The following TPD52L1 variants were observed in gnomAD, a reference collection of about 807,000 sequenced individuals.
TPD52L1 encodes tumor protein D53.
In TPD52L1, 18 loss-of-function variants were observed where a neutral mutation model predicts 28.7. The observed-to-expected ratio is 0.63, with a 90% CI of 0.43 to 0.93. The LOEUF (loss-of-function observed/expected upper bound fraction) is 0.93. Among genes scored for constraint, TPD52L1 ranks in the 40% least tolerant of loss-of-function variants. The probability of loss-of-function intolerance (pLI) is 0.00; values close to 1 mark genes in which losing one functional copy is unlikely to be tolerated. For missense variants in TPD52L1, 203 were observed against 254.8 expected (o/e 0.80, Z 1.39); for synonymous variants, 75 against 88.8 (o/e 0.84, Z 0.88).
intron 1 of TPD52L1, among the ~76,000 whole-genome samples, chr6:125,215,100 A>G (rs1050895179): frequency 5.3e-5 from 8 of 152,240 alleles, no homozygotes; most frequent in Non-Finnish European, 1.2e-4. Flanking sequence ...GCATTTGCCC[A>G]GTGATAATTG....
chr6:125,203,045 A>G lies in TPD52L1; in HGVS notation c.20-17033A>G, dbSNP rs547744880. ...CTTCTCAGTGGAGGTTTATCTTGTC[A>G]GGTTTGGCTTCCTTTTCCCAGTTCC... On this transcript the variant is annotated intron_variant, in intron 1 of 6. Coordinates refer to ENST00000534000, the MANE Select transcript of TPD52L1 (RefSeq NM_003287.4). Among the ~76,000 whole-genome samples the G allele has an allele frequency of 9.1e-4, 139 of 152,162 alleles. 1 individual carries two copies. The highest frequency in any genetic ancestry group is 3.2e-3 in the African/African-American group (131 of 41,518).
At chr6:125,190,227 G>T (rs1792942473) in intron 1 of TPD52L1, among the ~76,000 whole-genome samples, 1 of 152,082 alleles carries the variant, frequency 6.6e-6, no homozygotes, top group Non-Finnish European at 1.5e-5. Context: ...TAGTTTGTAG[G>T]ACTGTCAAAA....
At chr6:125,209,327 C>G (rs1794356103) in intron 1 of TPD52L1, among the ~76,000 whole-genome samples, 1 of 152,206 alleles carries the variant, frequency 6.6e-6, no homozygotes, top group African/African-American at 2.4e-5. Flanking sequence ...ACGAACATAG[C>G]TTAAAGACAA....
At chr6:125,234,859 G>A (rs944289678) in intron 3 of TPD52L1, among the ~76,000 whole-genome samples, 10 of 151,982 alleles carry the variant, frequency 6.6e-5, no homozygotes, top group African/African-American at 2.2e-4. Flanking sequence ...TCAGGAGGCC[G>A]AGGTGAAAGA....
At position 125,172,659 on chromosome 6, in the gene TPD52L1, G is replaced by GTATA. The variant is rs35313980; in HGVS notation, c.19+18699_19+18702dup. On this transcript the variant is annotated intron_variant, in intron 1 of 6. Transcript: ENST00000534000. ...TATAATAAACTATATAATAAATTAG[G>GTATA]TATATATATATATTTATTTTCTTCA... 4.0e-5 allele frequency among the ~76,000 whole-genome samples: 5 copies of GTATA among 124,322 alleles called. No homozygotes were observed. The Admixed American group carries it at 4.1e-4, about 10-fold the overall frequency. 81.6% of individuals were successfully genotyped at this position (124,322 alleles called of 152,430 possible). A position where few individuals can be genotyped will look rare whatever the true frequency, so the allele number is the denominator to read the frequency against.
At chr6:125,177,844 TAC>T (rs1042182102) in intron 1 of TPD52L1, among the ~76,000 whole-genome samples, 1 of 152,192 alleles carries the variant, frequency 6.6e-6, no homozygotes, top group Non-Finnish European at 1.5e-5. Flanking sequence ...TTAACTGATA[TAC>T]ACATTCAATT....
chr6:125,161,637 G>A (rs1179554944), intron 1 of TPD52L1, among the ~76,000 whole-genome samples: 1 of 152,134 alleles, frequency 6.6e-6, no homozygotes, highest in Admixed American at 6.5e-5. Flanking sequence ...CAGGGACAGG[G>A]AGAGAGATAG....
chr6:125,219,897 G>GTAT (rs1795119395), intron 1 of TPD52L1, 181 bp from the exon 2 acceptor site: 2 of 648,352 alleles, frequency 3.1e-6, no homozygotes, highest in African/African-American at 3.7e-5. Context: ...TGGCTTCTTG[G>GTAT]TATTCTTTGC....
At chr6:125,175,507 TAA>T (rs1163739336) in intron 1 of TPD52L1, among the ~76,000 whole-genome samples, 2 of 152,044 alleles carry the variant, frequency 1.3e-5, no homozygotes, top group Non-Finnish European at 2.9e-5. Flanking sequence ...TGTGTCAACA[TAA>T]AGATAGAATC....
chr6:125,178,023 A>T (rs544665786), intron 1 of TPD52L1, among the ~76,000 whole-genome samples: 1 of 152,320 alleles, frequency 6.6e-6, no homozygotes, highest in South Asian at 2.1e-4. Context: ...CCACTTAAAA[A>T]TCCCAAGTTT....
chr6:125,178,878 G>A (rs560888897), intron 1 of TPD52L1, among the ~76,000 whole-genome samples: 2 of 152,246 alleles, frequency 1.3e-5, no homozygotes, highest in African/African-American at 2.4e-5. Context: ...TGGAGATTTG[G>A]CTTGTTATGT....
chr6:125,252,437 G>A (rs1356995923), intron 4 of TPD52L1: 2 of 167,412 alleles, frequency 1.2e-5, no homozygotes, highest in East Asian at 1.6e-4. Flanking sequence ...TCTCTAGATT[G>A]TCATGTTTCT....
At chr6:125,205,955 A>G (rs770974431) in intron 1 of TPD52L1, among the ~76,000 whole-genome samples, 4 of 152,212 alleles carry the variant, frequency 2.6e-5, no homozygotes, top group Admixed American at 6.5e-5. Context: ...GTCCATTTTA[A>G]TCAGCATCTA....
intron 1 of TPD52L1, among the ~76,000 whole-genome samples, chr6:125,210,223 A>AGAATGAAT (rs537255455): frequency 1.3e-5 from 2 of 152,232 alleles, no homozygotes; most frequent in Non-Finnish European, 2.9e-5. Context: ...GTTCGTTAAA[A>AGAATGAAT]GAATGAATGA....
intron 1 of TPD52L1, among the ~76,000 whole-genome samples, chr6:125,210,794 T>C (rs1394091873): frequency 6.6e-6 from 1 of 152,222 alleles, no homozygotes; most frequent in Non-Finnish European, 1.5e-5. Context: ...TACAAAACTG[T>C]AATCTCTCAC....
At chr6:125,183,797 A>G (rs1474241313) in intron 1 of TPD52L1, among the ~76,000 whole-genome samples, 2 of 152,230 alleles carry the variant, frequency 1.3e-5, no homozygotes, top group Non-Finnish European at 2.9e-5. Context: ...AACATGGTTG[A>G]CACTGAAATG....
chr6:125,226,677 G>C (rs3799743), intron 2 of TPD52L1, among the ~76,000 whole-genome samples: 1 of 147,930 alleles, frequency 6.8e-6, no homozygotes, highest in African/African-American at 2.5e-5. Context: ...CACCCCCGCC[G>C]AGAAAAAACC....
chr6:125,199,616 C>T (rs1002472392), intron 1 of TPD52L1, among the ~76,000 whole-genome samples: 8 of 151,998 alleles, frequency 5.3e-5, no homozygotes, highest in African/African-American at 1.9e-4. Flanking sequence ...ACCTGGGAGG[C>T]GGAGGTTGCA....
At chr6:125,248,158 T>G in intron 3 of TPD52L1, 124 bp from the exon 4 acceptor site, 1 of 766,124 alleles carries the variant, frequency 1.3e-6, no homozygotes, top group Non-Finnish European at 2.1e-6. Context: ...AAACAGTGGT[T>G]TTGTGGATCT....
Sources: allele counts gnomAD v4.1 joint callset (sites outside exome capture counted in the v4.1 genomes callset), GRCh38; gene constraint gnomAD v4.1.1; transcripts MANE v1.5; gene names NCBI Gene and HGNC (gene_info 2026-07-23, HGNC 2026-07-21).